MCM3: variants seen among roughly 807,000 people sequenced by gnomAD.
The protein encoded by MCM3 is DNA replication licensing factor MCM3.
MCM3 carries 59 observed loss-of-function variants against 91.3 expected under a neutral mutation model. The ratio of observed to expected loss-of-function variants is 0.65; its 90% CI spans 0.52 to 0.80. MCM3 has a LOEUF of 0.80. MCM3 is among the 30% of genes least tolerant of loss of function. The pLI is 0.00. For synonymous variants in MCM3, 383 were observed against 379.6 expected, an observed-to-expected ratio of 1.01 and a Z score of -0.10; for missense variants, 919 against 1,035.4, an observed-to-expected ratio of 0.89 and a Z score of 1.54.
intron 16 of MCM3, chr6:52,265,363 G>A (rs1764561216): frequency 2.9e-6 from 1 of 347,746 alleles, no homozygotes; most frequent in Non-Finnish European, 5.8e-6. Flanking sequence ...GACCAGCCTG[G>A]GCAACATGGT....
Position 52,267,894 on chromosome 6 carries a change from G to T in MCM3, c.2043C>A (p.Ser681Arg). 7.3e-7 allele frequency: 1 copy of T among 1,364,866 alleles called. No homozygotes were observed. The highest frequency in any genetic ancestry group is 1.0e-6 in the Non-Finnish European group (1 of 958,924). 84.5% of individuals were successfully genotyped at this position (1,364,866 alleles called of 1,614,324 possible). A position where few individuals can be genotyped will look rare whatever the true frequency, so the allele number is the denominator to read the frequency against. The change falls in exon 14 of 17, where the codon AGC becomes AGA. Residue 681 changes from serine (S) to arginine (R), a missense_variant. By Grantham distance (110) the Ser-to-Arg change is moderately radical. Transcript: ENST00000596288. ...TCCTCTTCTGCTCCTGGTCCTCTTGGCTTTTCTCCTCTTCATCTTCTGTCT... is the reference window on the plus strand; with the variant it reads ...TCCTCTTCTGCTCCTGGTCCTCTTGTCTTTTCTCCTCTTCATCTTCTGTCT... ...ESETEDEEEK[S>R]QEDQEQKRKR...
intron 9 of MCM3, 104 bp from the exon 10 acceptor site, chr6:52,274,020 A>C: frequency 5.0e-6 from 4 of 804,926 alleles, no homozygotes; most frequent in Non-Finnish European, 7.9e-6. Context: ...TTGACCTCAA[A>C]GAGCAAAACA....
chr6:52,282,309 C>T, intron 3 of MCM3, 134 bp from the exon 4 acceptor site: 1 of 767,268 alleles, frequency 1.3e-6, no homozygotes, highest in Non-Finnish European at 2.1e-6. Context: ...TCAATATTAC[C>T]TTTTATTCAC....
In MCM3 at chr6:52,281,158, C is replaced by T. The variant is rs373337632; in HGVS notation, c.531+887G>A. Among the ~76,000 whole-genome samples, 170 of 152,230 alleles carry T rather than the reference C, an allele frequency of 1.1e-3. 2 individuals are homozygous for T. The South Asian group carries it at 0.016, about 14-fold the overall frequency. On this transcript the variant is annotated intron_variant, in intron 4 of 16. Coordinates refer to ENST00000596288, the MANE Select transcript of MCM3 (RefSeq NM_002388.6). ...GGAAAACCTTGCATTGTCCTCAATCCAGATCAATCTGAACACCAAGAAGAA... is the reference window on the plus strand; with the variant it reads ...GGAAAACCTTGCATTGTCCTCAATCTAGATCAATCTGAACACCAAGAAGAA...
chr6:52,273,995 G>A, intron 9 of MCM3, 79 bp from the exon 10 acceptor site: 1 of 1,200,758 alleles, frequency 8.3e-7, no homozygotes, highest in Non-Finnish European at 1.2e-6. Context: ...AGTTCTGGGA[G>A]TGGGAATGAA....
At chr6:52,275,075 T>C (rs1765447241) in intron 9 of MCM3, among the ~76,000 whole-genome samples, 1 of 152,164 alleles carries the variant, frequency 6.6e-6, no homozygotes, top group African/African-American at 2.4e-5. Context: ...TATCATTAAT[T>C]TTAAAAGCTA....
Position 52,278,086 on chromosome 6 carries a change from A to AAAG in MCM3, c.880-399_880-398insCTT, listed in dbSNP as rs1416778013. ...CCGTCTCACCAAAAAAAAAAAAAAA[A>AAAG]AAAAAAAAAAAGAAAATACTTGAAG... On this transcript the variant is annotated intron_variant, in intron 6 of 16. Transcript: ENST00000596288. Among the ~76,000 whole-genome samples, 145 of 150,864 alleles carry AAAG rather than the reference A, an allele frequency of 9.6e-4. 4 individuals are homozygous for AAAG. The East Asian group carries it at 0.021, about 21-fold the overall frequency.
intron 12 of MCM3, among the ~76,000 whole-genome samples, chr6:52,270,197 C>T (rs12203069): frequency 0.31 from 46,684 of 151,784 alleles, 8,954 homozygotes; most frequent in South Asian, 0.43. Context: ...GGTGTGGTGG[C>T]GCATGCCTGT....
intron 13 of MCM3, 129 bp from the exon 14 acceptor site, chr6:52,268,097 C>T: frequency 2.4e-6 from 3 of 1,269,748 alleles, no homozygotes; most frequent in Admixed American, 1.8e-5. Context: ...TACCTAGCTC[C>T]TCTTGTCCCT....
intron 15 of MCM3, 78 bp from the exon 16 acceptor site, chr6:52,266,222 C>T (rs1764633490): frequency 9.4e-7 from 1 of 1,063,402 alleles, no homozygotes; most frequent in African/African-American, 1.6e-5. Context: ...GAGAAATCAT[C>T]TCCACTCCCA....
At position 52,277,175 on chromosome 6, in the gene MCM3, G is replaced by A; in HGVS notation, c.1057C>T (p.Gln353Ter). 6.2e-7 allele frequency: 1 copy of A among 1,613,544 alleles called. No homozygotes were observed. The highest frequency in any genetic ancestry group is 8.5e-7 in the Non-Finnish European group (1 of 1,179,896). The change falls in exon 8 of 17, where the codon CAG becomes TAG. Residue 353 changes from glutamine to a stop codon, truncating the protein, a stop_gained. Transcript: ENST00000596288. LOFTEE classifies it high-confidence loss of function. Reference protein sequence around the residue: ...LIGDPSVAKSQLLRYVLCTAP... With the variant: ...LIGDPSVAKS ...GTGCAAAGCACATACCGCAGAAGCT[G>A]AGACTTGGCAACGGATGGGTCTCCT... is the stretch of plus-strand genomic sequence containing the variant.
chr6:52,277,286 C>T, intron 7 of MCM3, 88 bp from the exon 8 acceptor site: 5 of 1,389,350 alleles, frequency 3.6e-6, no homozygotes, highest in Non-Finnish European at 4.9e-6. Context: ...CTTGACACAA[C>T]AGAGTCACAC....
At chr6:52,281,441 G>A (rs1339934611) in intron 4 of MCM3, among the ~76,000 whole-genome samples, 1 of 152,034 alleles carries the variant, frequency 6.6e-6, no homozygotes, top group Non-Finnish European at 1.5e-5. Context: ...TTTGGAAGAT[G>A]GAAGCAGGAG....
At position 52,276,385 on chromosome 6, in the gene MCM3, G is replaced by A; in HGVS notation, c.1257C>T (p.Arg419=). 1 of 1,614,188 alleles carries A rather than the reference G, an allele frequency of 6.2e-7. No individual in the cohort carries two copies. The highest frequency in any genetic ancestry group is 2.2e-5 in the East Asian group (1 of 44,884). Residue 419 remains arginine, a synonymous_variant, in exon 9 of 17, where the codon CGC becomes CGT. Transcript: ENST00000596288. ...DEFDKMSDMD[R]TAIHEVMEQG... Reference sequence around the variant, plus strand: ...GCTCCATCACTTCATGGATGGCTGTGCGATCCATGTCAGACATTTTGTCAA... The same window carrying A: ...GCTCCATCACTTCATGGATGGCTGTACGATCCATGTCAGACATTTTGTCAA...
chr6:52,275,669 T>A (rs191246241), intron 9 of MCM3, among the ~76,000 whole-genome samples: 1 of 152,290 alleles, frequency 6.6e-6, no homozygotes, highest in East Asian at 1.9e-4. Context: ...TGGAAACCAC[T>A]AAATACCCAT....
At chr6:52,273,606 G>GACACCAAGATTCATAAAGAAA in intron 10 of MCM3, 136 bp downstream of exon 10, 1 of 905,040 alleles carries the variant, frequency 1.1e-6, no homozygotes, top group Non-Finnish European at 1.7e-6. Context: ...AAGAAGGGGA[G>GACACCAAGATTCATAAAGAAA]GTGGCTAAAC....
intron 15 of MCM3, 39 bp from the exon 16 acceptor site, chr6:52,266,183 G>C: frequency 3.4e-6 from 5 of 1,466,562 alleles, no homozygotes; most frequent in Non-Finnish European, 4.8e-6. Flanking sequence ...GGGAAGATAA[G>C]CAAGGTGAAG....
rs1300017906 is a variant in MCM3, at chr6:52,284,693, A to T, written c.-19T>A. 6.2e-7 allele frequency: 1 copy of T among 1,600,798 alleles called. No homozygotes were observed. The highest frequency in any genetic ancestry group is 1.1e-5 in the South Asian group (1 of 88,904). Reference sequence around the variant, plus strand: ...CCGCCATGCCCGCTGCCAAAGAACTACCTCCACCAAAGTCGCGTGGAGGTT... The same window carrying T: ...CCGCCATGCCCGCTGCCAAAGAACTTCCTCCACCAAAGTCGCGTGGAGGTT... On this transcript the variant is annotated 5_prime_UTR_variant, in exon 1 of 17. Coordinates refer to ENST00000596288, the MANE Select transcript of MCM3 (RefSeq NM_002388.6).
In MCM3 at chr6:52,276,342, C is replaced by T. The variant is rs188062670; in HGVS notation, c.1300G>A (p.Ala434Thr). 2 of 1,613,718 alleles carry T rather than the reference C, an allele frequency of 1.2e-6. No individual in the cohort carries two copies. The highest frequency in any genetic ancestry group is 3.3e-5 in the Admixed American group (2 of 60,000). The stretch of plus-strand genomic sequence containing the variant: ...AGCCGAGCATGGATGCCAGCCTTGG[C>T]AATGGTCACTCGACCCTGCTCCATC... The part of the protein sequence containing the change: ...EVMEQGRVTI[A>T]KAGIHARLNA... The change falls in exon 9 of 17, where the codon GCC (alanine) becomes ACC (threonine). Residue 434 changes from alanine (A) to threonine (T), a missense_variant. This residue lies in a region of MCM3 where 233 missense variants were observed against 321.2 expected (regional missense o/e 0.73). Transcript: ENST00000596288.
Sources: gnomAD v4.1 joint callset for allele counts (sites outside exome capture counted in the v4.1 genomes callset) on GRCh38, gnomAD v4.1.1 for gene constraint, gnomAD v4.1.1 regional missense constraint, MANE v1.5 for transcripts, NCBI Gene and HGNC (gene_info 2026-07-23, HGNC 2026-07-21) for gene names.